Variants in ANKRD11 observed in about 807,000 individuals in gnomAD.
The protein encoded by ANKRD11 is ankyrin repeat domain 11.
In ANKRD11, 17 loss-of-function variants were observed where a neutral mutation model predicts 195.7. That is an observed-to-expected ratio of 0.09 (90% CI 0.06 to 0.13). The LOEUF (loss-of-function observed/expected upper bound fraction) is 0.13. Among genes scored for constraint, ANKRD11 ranks in the 10% least tolerant of loss-of-function variants. The pLI, the probability that ANKRD11 is intolerant of heterozygous loss-of-function variation, is 1.00. For synonymous variants in ANKRD11, 1,953 were observed against 1,528.1 expected, an observed-to-expected ratio of 1.28 and a Z score of -6.49; for missense variants, 3,735 against 3,566.1, an observed-to-expected ratio of 1.05 and a Z score of -1.21.
intron 1 of ANKRD11, among the ~76,000 whole-genome samples, chr16:89,442,887 T>C (rs1268375589): frequency 6.6e-6 from 1 of 152,236 alleles, no homozygotes. Context: ...CCTGACACTG[T>C]CACTCAACAC....
Position 89,268,267 on chromosome 16 carries a change from C to A in ANKRD11, c.*211G>T. 3.3e-6 allele frequency: 1 copy of A among 303,898 alleles called. No homozygotes were observed. The highest frequency in any genetic ancestry group is 5.8e-6 in the Non-Finnish European group (1 of 171,016). The allele number at this position is 303,898 out of a possible 1,614,324, so 18.8% of individuals were successfully genotyped here. A position where few individuals can be genotyped will look rare whatever the true frequency, so the allele number is the denominator to read the frequency against. On this transcript the variant is annotated 3_prime_UTR_variant, in exon 13 of 13. Coordinates refer to ENST00000301030, the MANE Select transcript of ANKRD11 (RefSeq NM_013275.6). ...TGAGGCTCTGGGGGCTTTGCCCCCG[C>A]CGCGGCAGCTGGTAGAGAAGAGACG...
intron 2 of ANKRD11, among the ~76,000 whole-genome samples, chr16:89,385,524 G>T (rs1282389959): frequency 6.6e-6 from 1 of 152,082 alleles, no homozygotes; most frequent in African/African-American, 2.4e-5. Context: ...GACCCTGTGG[G>T]TATCCCTGTG....
chr16:89,375,213 G>A (rs146945444), intron 2 of ANKRD11, among the ~76,000 whole-genome samples: 26 of 152,188 alleles, frequency 1.7e-4, no homozygotes, highest in African/African-American at 3.4e-4. Flanking sequence ...GTCGGTATCC[G>A]CTTAAAACAC....
intron 2 of ANKRD11, among the ~76,000 whole-genome samples, chr16:89,407,246 G>C (rs960302431): frequency 1.3e-5 from 2 of 151,598 alleles, no homozygotes; most frequent in Admixed American, 6.6e-5. Context: ...GGCACACGAG[G>C]AACATCAGCA....
intron 2 of ANKRD11, among the ~76,000 whole-genome samples, chr16:89,411,072 G>C (rs1391485087): frequency 1.3e-5 from 2 of 151,980 alleles, no homozygotes; most frequent in Non-Finnish European, 2.9e-5. Flanking sequence ...GGGGCGGCCA[G>C]TGCAGGAGGC....
intron 1 of ANKRD11, among the ~76,000 whole-genome samples, chr16:89,441,858 ATC>A (rs2043521055): frequency 6.6e-6 from 1 of 151,526 alleles, no homozygotes; most frequent in African/African-American, 2.4e-5. Context: ...ACAAGCAGGA[ATC>A]TCTCTGGATG....
At chr16:89,471,946 G>C (rs1286690204) in intron 1 of ANKRD11, among the ~76,000 whole-genome samples, 2 of 152,016 alleles carry the variant, frequency 1.3e-5, no homozygotes, top group African/African-American at 4.8e-5. Flanking sequence ...TGACCCTCGA[G>C]GCATGCAGCC....
In ANKRD11 at chr16:89,384,879, CTTTTTTTTTTT is replaced by C. The variant is rs869271846; in HGVS notation, c.-60+33394_-60+33404del. Among the ~76,000 whole-genome samples, 244 of 49,954 alleles carry C rather than the reference CTTTTTTTTTTT, an allele frequency of 4.9e-3. 2 individuals carry two copies. In the South Asian group the frequency reaches 0.064, roughly 13 times the overall value. 32.8% of individuals were successfully genotyped at this position (49,954 alleles called of 152,430 possible). On this transcript the variant is annotated intron_variant, in intron 2 of 12. Transcript: ENST00000301030. ...GGAGCACACAATGAGAAATAGTTTT[CTTTTTTTTTTT>C]TTTTTTTTTTTTTTTTTGAGACTAC...
rs536208553 is a variant in ANKRD11 at position 89,373,998 on chromosome 16, A to G, written c.-60+44286T>C. ...ATCTCCAGAAGGGTCTGACGACCAC[A>G]ATACCTGCAGGACAGGAGCTCCGCA... On this transcript the variant is annotated intron_variant, in intron 2 of 12. Transcript: ENST00000301030. Among the ~76,000 whole-genome samples, 9 of 152,368 alleles carry G rather than the reference A, an allele frequency of 5.9e-5. No homozygotes were observed. The South Asian group carries it at 1.7e-3, about 28-fold the overall frequency.
At position 89,285,547 on chromosome 16, in the gene ANKRD11, T is replaced by C. The variant is rs2034590679; in HGVS notation, c.995A>G (p.Lys332Arg). ...CGTGGCCTTCTGTGGCTCTGGGTTC[T>C]TGGCCTTGTGCTTGAGGCCTTTTTC... The part of the protein sequence containing the change: ...EFEKGLKHKA[K>R]NPEPQKATAP... Residue 332 changes from lysine to arginine, a missense_variant, in exon 9 of 13, where the codon AAG becomes AGG. Transcript: ENST00000301030. The surrounding 1 kb of genome is among the most constrained non-coding windows in gnomAD (Gnocchi z 5.6). The C allele has an allele frequency of 6.2e-7, 1 of 1,614,186 alleles. No homozygotes were observed. Among genetic ancestry groups the C allele is most frequent in the Non-Finnish European group, 8.5e-7 (1 of 1,180,022 alleles).
intron 4 of ANKRD11, among the ~76,000 whole-genome samples, chr16:89,293,138 AG>A (rs1454248289): frequency 6.6e-6 from 1 of 152,174 alleles, no homozygotes; most frequent in East Asian, 1.9e-4. Context: ...CCCAAGACCT[AG>A]CCACGCACAT....
chr16:89,343,142 C>T (rs933031789), intron 2 of ANKRD11, among the ~76,000 whole-genome samples: 4 of 152,178 alleles, frequency 2.6e-5, no homozygotes, highest in Admixed American at 2.6e-4. Flanking sequence ...GTGTGTGCCA[C>T]CACGCCTGGC....
chr16:89,480,097 C>G (rs1315655786), intron 1 of ANKRD11, among the ~76,000 whole-genome samples: 4 of 146,250 alleles, frequency 2.7e-5, no homozygotes, highest in Non-Finnish European at 6.0e-5. Flanking sequence ...GGCAACAGAG[C>G]AAGACTCAGT....
At chr16:89,481,357 CAGG>C in intron 1 of ANKRD11, among the ~76,000 whole-genome samples, 1 of 152,216 alleles carries the variant, frequency 6.6e-6, no homozygotes, top group South Asian at 2.1e-4. Context: ...TACTTGAGGC[CAGG>C]AGTTCAACAT....
chr16:89,342,831 C>G (rs569809689), intron 2 of ANKRD11, among the ~76,000 whole-genome samples: 1 of 152,250 alleles, frequency 6.6e-6, no homozygotes, highest in East Asian at 1.9e-4. Context: ...CTTTTGTTCC[C>G]TCAGAGTGCC....
intron 2 of ANKRD11, among the ~76,000 whole-genome samples, chr16:89,401,784 C>T (rs1389272109): frequency 2.0e-5 from 3 of 152,080 alleles, no homozygotes; most frequent in Admixed American, 6.5e-5. Context: ...GAGCTGTGCA[C>T]GCAGGGAGAA....
At chr16:89,295,985 C>CGTTTTTTTTTT (rs1194925204) in intron 4 of ANKRD11, among the ~76,000 whole-genome samples, 1 of 45,142 alleles carries the variant, frequency 2.2e-5, no homozygotes, top group Non-Finnish European at 3.7e-5. Context: ...ATCTGGCTGC[C>CGTTTTTTTTTT]TTTTTTTTTT....
intron 1 of ANKRD11, among the ~76,000 whole-genome samples, chr16:89,468,424 G>C (rs1295589160): frequency 6.6e-6 from 1 of 152,124 alleles, no homozygotes; most frequent in African/African-American, 2.4e-5. Flanking sequence ...GCAAAAGTTG[G>C]CCAGGTGCAA....
At chr16:89,438,561 G>A (rs2043313471) in intron 1 of ANKRD11, among the ~76,000 whole-genome samples, 2 of 152,052 alleles carry the variant, frequency 1.3e-5, no homozygotes, top group African/African-American at 2.4e-5. Flanking sequence ...TTGAACTTAT[G>A]ACTTCAGGTG....
Sources: allele counts gnomAD v4.1 joint callset (sites outside exome capture counted in the v4.1 genomes callset), GRCh38; gene constraint gnomAD v4.1.1; non-coding constraint Gnocchi (gnomAD v3.1); transcripts MANE v1.5; gene names NCBI Gene and HGNC (gene_info 2026-07-23, HGNC 2026-07-21).